TRAM2: variants seen among roughly 807,000 people sequenced by gnomAD.
TRAM2 encodes the protein translocating chain-associated membrane protein 2.
Under a neutral mutation model 51.0 loss-of-function variants are expected in TRAM2, and 12 were observed. The observed-to-expected ratio is 0.24, with a 90% CI of 0.15 to 0.38. The LOEUF is 0.38. Among genes scored for constraint, TRAM2 ranks in the 10% least tolerant of loss-of-function variants. The probability of loss-of-function intolerance (pLI) is 1.00; values close to 1 mark genes in which losing one functional copy is unlikely to be tolerated. For synonymous variants in TRAM2, 175 were observed against 179.4 expected, an observed-to-expected ratio of 0.98 and a Z score of 0.20; for missense variants, 361 against 462.0, an observed-to-expected ratio of 0.78 and a Z score of 2.00.
chr6:52,555,326 C>A (rs1416723634), intron 1 of TRAM2, among the ~76,000 whole-genome samples: 1 of 149,436 alleles, frequency 6.7e-6, no homozygotes. Context: ...TATCACTAAT[C>A]CAAACTTTCT....
chr6:52,504,799 C>T, intron 9 of TRAM2, 45 bp from the exon 10 acceptor site: 1 of 1,544,928 alleles, frequency 6.5e-7, no homozygotes, highest in Non-Finnish European at 8.7e-7. Context: ...CTTGGGCTCA[C>T]AGCCTTGGGC....
At chr6:52,566,747 T>C (rs1257208083) in intron 1 of TRAM2, among the ~76,000 whole-genome samples, 1 of 152,200 alleles carries the variant, frequency 6.6e-6, no homozygotes, top group Non-Finnish European at 1.5e-5. Flanking sequence ...GACTATTCTA[T>C]TGCCCTCCCA....
rs574708781 is a variant in TRAM2 at position 52,516,220 on chromosome 6, C to T, written c.295-98G>A. On this transcript the variant is annotated intron_variant, in intron 3 of 10. Transcript: ENST00000182527. ...TTCTCCCCACAGAAGGGTTGAACAT[C>T]GTTAGAAGTTTGCAGCTGGCCATAA... 6.1e-4 allele frequency: 692 copies of T among 1,137,020 alleles called. 14 individuals are homozygous for T. In the South Asian group the frequency reaches 8.7e-3, roughly 14 times the overall value. The allele number at this position is 1,137,020 out of a possible 1,614,324, so 70.4% of individuals were successfully genotyped here.
chr6:52,519,085 G>A (rs1440221898), intron 2 of TRAM2, among the ~76,000 whole-genome samples: 2 of 152,282 alleles, frequency 1.3e-5, no homozygotes, highest in East Asian at 1.9e-4. Context: ...ACACAGACTC[G>A]TGTTCCTCTG....
At position 52,540,298 on chromosome 6, in the gene TRAM2, C is replaced by T. The variant is rs148541475; in HGVS notation, c.121-4452G>A. On this transcript the variant is annotated intron_variant, in intron 1 of 10. Transcript: ENST00000182527. ...CCCAAAAACAAACTTAGGAGGCACA[C>T]AATACTGCACATAGAATAGAATGGT... Among the ~76,000 whole-genome samples, 854 of 151,642 alleles carry T rather than the reference C, an allele frequency of 5.6e-3. 6 individuals are homozygous for T. Among genetic ancestry groups the T allele is most frequent in the Non-Finnish European group, 8.8e-3 (600 of 67,964 alleles).
intron 10 of TRAM2, among the ~76,000 whole-genome samples, 153 bp from the exon 11 acceptor site, chr6:52,503,423 C>CA: frequency 6.6e-6 from 1 of 152,194 alleles, no homozygotes; most frequent in East Asian, 1.9e-4. Flanking sequence ...CCTTGCACAG[C>CA]AAATGCAAGC....
intron 1 of TRAM2, among the ~76,000 whole-genome samples, chr6:52,560,449 T>C (rs79624725): frequency 2.6e-5 from 4 of 152,372 alleles, no homozygotes; most frequent in African/African-American, 9.6e-5. Flanking sequence ...CTATTTTTTT[T>C]GTCAGATATC....
At chr6:52,536,836 C>G (rs1221927634) in intron 1 of TRAM2, among the ~76,000 whole-genome samples, 1 of 152,290 alleles carries the variant, frequency 6.6e-6, no homozygotes, top group East Asian at 1.9e-4. Context: ...AGCCCAGGAC[C>G]AGGCCTTTCC....
At position 52,535,804 on chromosome 6, in the gene TRAM2, T is replaced by C. The variant is rs754061972; in HGVS notation, c.163A>G (p.Asn55Asp). ...TAFLFILPQY[N>D]ISVPTADSET... ...TTACCTGCTGTAGGCACGCTAATGTTATACTGAGGTAAAATAAATAGAAAG... is the reference window on the plus strand; with the variant it reads ...TTACCTGCTGTAGGCACGCTAATGTCATACTGAGGTAAAATAAATAGAAAG... Residue 55 changes from asparagine (N) to aspartate (D), a missense_variant, in exon 2 of 11, where the codon AAC becomes GAC. Asn to Asp is a conservative substitution (Grantham distance 23). Transcript: ENST00000182527. The C allele has an allele frequency of 1.2e-6, 2 of 1,614,048 alleles. No individual in the cohort carries two copies. The highest frequency in any genetic ancestry group is 1.7e-6 in the Non-Finnish European group (2 of 1,179,922).
intron 1 of TRAM2, among the ~76,000 whole-genome samples, chr6:52,548,797 C>T (rs891194332): frequency 3.9e-5 from 6 of 152,296 alleles, no homozygotes; most frequent in East Asian, 1.9e-4. Flanking sequence ...ATCAGGACAG[C>T]GTTAGGCAAA....
intron 1 of TRAM2, among the ~76,000 whole-genome samples, chr6:52,547,178 C>T (rs1231675519): frequency 6.6e-6 from 1 of 152,102 alleles, no homozygotes; most frequent in Admixed American, 6.6e-5. Context: ...GCGGGAGAAG[C>T]TTAGACCACG....
rs879560818 is a variant in TRAM2 at position 52,498,844 on chromosome 6, G to C, written c.*4353C>G. 2 of 152,562 alleles carry C rather than the reference G, an allele frequency of 1.3e-5. No homozygotes were observed. Among genetic ancestry groups the C allele is most frequent in the African/African-American group, 4.8e-5 (2 of 41,402 alleles). The allele number at this position is 152,562 out of a possible 1,614,324, so 9.5% of individuals were successfully genotyped here. On this transcript the variant is annotated 3_prime_UTR_variant, in exon 11 of 11. Transcript: ENST00000182527. ...GCCCTGGCAACTGGGGGCTGGCCAC[G>C]GAGTACAAGTTGAAAACCACACAGC...
In TRAM2 at chr6:52,501,201, T is replaced by G. The variant is rs1287826771; in HGVS notation, c.*1996A>C. On this transcript the variant is annotated 3_prime_UTR_variant, in exon 11 of 11. Coordinates refer to ENST00000182527, the MANE Select transcript of TRAM2 (RefSeq NM_012288.4). ...GAGGGAGAAATGGGGGAAATACATA[T>G]TTTCAAAAACACTGTCTCACTTCCT... 6.6e-6 allele frequency: 1 copy of G among 152,134 alleles called. No individual in the cohort carries two copies. Among genetic ancestry groups the G allele is most frequent in the African/African-American group, 2.4e-5 (1 of 41,414 alleles). The allele number at this position is 152,134 out of a possible 1,614,324, so 9.4% of individuals were successfully genotyped here.
chr6:52,549,272 C>T (rs535083828), intron 1 of TRAM2, among the ~76,000 whole-genome samples: 2 of 145,858 alleles, frequency 1.4e-5, no homozygotes, highest in Non-Finnish European at 3.0e-5. Flanking sequence ...CCTTCCCTCC[C>T]TCCCTCCCTT....
intron 1 of TRAM2, among the ~76,000 whole-genome samples, chr6:52,540,343 A>G (rs1767055720): frequency 6.6e-6 from 1 of 152,188 alleles, no homozygotes; most frequent in African/African-American, 2.4e-5. Flanking sequence ...TGGAAGCAGG[A>G]AAGAACACAA....
intron 2 of TRAM2, among the ~76,000 whole-genome samples, chr6:52,528,571 T>G (rs1458394486): frequency 6.6e-6 from 1 of 152,066 alleles, no homozygotes; most frequent in Non-Finnish European, 1.5e-5. Flanking sequence ...CTGTCTGAGG[T>G]TGTTTTGACT....
intron 5 of TRAM2, 66 bp downstream of exon 5, chr6:52,509,462 C>T: frequency 3.3e-6 from 5 of 1,534,524 alleles, no homozygotes; most frequent in Non-Finnish European, 4.5e-6. Context: ...TGGCCACACT[C>T]CGCTGGGACA....
intron 9 of TRAM2, among the ~76,000 whole-genome samples, chr6:52,505,305 G>T (rs1766326626): frequency 6.6e-6 from 1 of 152,190 alleles, no homozygotes; most frequent in Admixed American, 6.5e-5. Flanking sequence ...AGAGGAGAAT[G>T]ATATCAACTG....
intron 1 of TRAM2, among the ~76,000 whole-genome samples, chr6:52,562,798 A>G (rs1053886339): frequency 6.6e-6 from 1 of 152,120 alleles, no homozygotes; most frequent in Non-Finnish European, 1.5e-5. Context: ...TTATGAGAAC[A>G]TGTGGTGTTT....
Sources: gnomAD v4.1 joint callset for allele counts (sites outside exome capture counted in the v4.1 genomes callset) on GRCh38, gnomAD v4.1.1 for gene constraint, MANE v1.5 for transcripts, NCBI Gene and HGNC (gene_info 2026-07-23, HGNC 2026-07-21) for gene names.